GRHL2: variants seen among roughly 807,000 people sequenced by gnomAD.
GRHL2 encodes grainyhead-like protein 2 homolog.
A neutral mutation model predicts 83.8 loss-of-function variants in GRHL2; 21 were observed. The observed-to-expected ratio is 0.25, with a 90% CI of 0.18 to 0.36. The LOEUF is 0.36. GRHL2 is among the 10% of genes least tolerant of loss of function. The pLI, the probability that GRHL2 is intolerant of heterozygous loss-of-function variation, is 1.00. For synonymous variants in GRHL2, 280 were observed against 278.9 expected (o/e 1.00, Z -0.04); for missense variants, 623 against 781.8 (o/e 0.80, Z 2.42).
chr8:101,609,640 A>T (rs1472560323), intron 8 of GRHL2, among the ~76,000 whole-genome samples: 1 of 151,056 alleles, frequency 6.6e-6, no homozygotes, highest in Non-Finnish European at 1.5e-5. Flanking sequence ...CATATTTCAT[A>T]CTTTTTTAAA....
intron 1 of GRHL2, among the ~76,000 whole-genome samples, chr8:101,521,961 G>A (rs555856974): frequency 1.2e-4 from 19 of 152,218 alleles, no homozygotes; most frequent in Non-Finnish European, 2.6e-4. Flanking sequence ...GCTCAATAAA[G>A]GTTTGTTCAA....
intron 6 of GRHL2, among the ~76,000 whole-genome samples, chr8:101,574,050 G>A (rs1422606949): frequency 6.6e-6 from 1 of 152,204 alleles, no homozygotes; most frequent in Non-Finnish European, 1.5e-5. Context: ...CATGCTGTCT[G>A]ACTGTATCCG....
At chr8:101,550,230 A>G (rs1811351635) in intron 2 of GRHL2, among the ~76,000 whole-genome samples, 1 of 149,668 alleles carries the variant, frequency 6.7e-6, no homozygotes, top group South Asian at 2.1e-4. Flanking sequence ...AGATTTGGGG[A>G]TATGTGTGCA....
chr8:101,666,783 C>T lies in GRHL2; in HGVS notation c.*80C>T. On this transcript the variant is annotated 3_prime_UTR_variant, in exon 16 of 16. Coordinates refer to ENST00000646743, the MANE Select transcript of GRHL2 (RefSeq NM_024915.4). Reference sequence around the variant, plus strand: ...GAGACAGAAGCCCCAGCCCCAGAACCTGGAGACCCATCTCCCCCATCTCAC... The same window carrying T: ...GAGACAGAAGCCCCAGCCCCAGAACTTGGAGACCCATCTCCCCCATCTCAC... The T allele has an allele frequency of 1.2e-6, 1 of 864,850 alleles. No individual in the cohort carries two copies. Among genetic ancestry groups the T allele is most frequent in the Non-Finnish European group, 2.0e-6 (1 of 508,406 alleles). The allele number at this position is 864,850 out of a possible 1,614,324, so 53.6% of individuals were successfully genotyped here. A position where few individuals can be genotyped will look rare whatever the true frequency, so the allele number is the denominator to read the frequency against.
intron 1 of GRHL2, among the ~76,000 whole-genome samples, chr8:101,532,947 T>G (rs1810969503): frequency 6.6e-6 from 1 of 152,072 alleles, no homozygotes; most frequent in Non-Finnish European, 1.5e-5. Context: ...GAAAGGGTAG[T>G]GGGTAGAAAT....
rs143975069 is a variant in GRHL2, at chr8:101,559,329, G to A, written c.678+517G>A. On this transcript the variant is annotated intron_variant, in intron 4 of 15. Transcript: ENST00000646743. The stretch of plus-strand genomic sequence containing the variant: ...TCAAGACCAGCCTGGCCAACATGGT[G>A]AACTCCTGTCTCTACTAAAAATACA... Among the ~76,000 whole-genome samples the A allele has an allele frequency of 2.5e-3, 316 of 124,462 alleles. 3 individuals carry two copies. The East Asian group carries it at 0.067, about 26-fold the overall frequency. The allele number at this position is 124,462 out of a possible 152,430, so 81.7% of individuals were successfully genotyped here.
rs375637398 is a variant in GRHL2 at position 101,647,221 on chromosome 8, C to T, written c.1613-2193C>T. 8.5e-5 allele frequency among the ~76,000 whole-genome samples: 13 copies of T among 152,180 alleles called. No individual in the cohort carries two copies. In the East Asian group the frequency reaches 2.1e-3, roughly 25 times the overall value. Reference sequence around the variant, plus strand: ...TCTACTAAAAATACAAAAACTTAGTCGGGTGTGATGGCACATGCCTGTAAT... The same window carrying T: ...TCTACTAAAAATACAAAAACTTAGTTGGGTGTGATGGCACATGCCTGTAAT... On this transcript the variant is annotated intron_variant, in intron 13 of 15. Coordinates refer to ENST00000646743, the MANE Select transcript of GRHL2 (RefSeq NM_024915.4).
intron 2 of GRHL2, 66 bp from the exon 3 acceptor site, chr8:101,552,649 T>C: frequency 6.8e-7 from 1 of 1,467,768 alleles, no homozygotes; most frequent in South Asian, 1.1e-5. Flanking sequence ...TATGCCGGTG[T>C]CCAGCTCTGA....
At chr8:101,577,189 T>A (rs1811950668) in intron 6 of GRHL2, among the ~76,000 whole-genome samples, 1 of 152,060 alleles carries the variant, frequency 6.6e-6, no homozygotes, top group African/African-American at 2.4e-5. Flanking sequence ...CTCTTTTTTT[T>A]TTCCTTCATG....
At chr8:101,675,884 A>G in the GRHL2 span, among the ~76,000 whole-genome samples, 1 of 151,828 alleles carries the variant, frequency 6.6e-6, no homozygotes, top group Non-Finnish European at 1.5e-5. Flanking sequence ...GGAACAGAAC[A>G]GAGCCCTCAG....
intron 4 of GRHL2, among the ~76,000 whole-genome samples, chr8:101,569,781 C>A (rs1195498843): frequency 6.6e-6 from 1 of 152,114 alleles, no homozygotes; most frequent in African/African-American, 2.4e-5. Flanking sequence ...ATTCTTAGTA[C>A]TTTTTAAAAC....
At chr8:101,653,429 G>C (rs1179807449) in intron 14 of GRHL2, among the ~76,000 whole-genome samples, 1 of 152,000 alleles carries the variant, frequency 6.6e-6, no homozygotes, top group Non-Finnish European at 1.5e-5. Flanking sequence ...CACAAACATA[G>C]TCCCCTACTC....
intron 5 of GRHL2, 42 bp downstream of exon 5, chr8:101,570,436 A>G (rs766716913): frequency 4.1e-6 from 6 of 1,468,734 alleles, no homozygotes; most frequent in African/African-American, 2.8e-5. Flanking sequence ...TGATTAACTG[A>G]TAAACCTTTA....
At chr8:101,620,301 C>T (rs1812939985) in intron 9 of GRHL2, among the ~76,000 whole-genome samples, 1 of 152,170 alleles carries the variant, frequency 6.6e-6, no homozygotes, top group South Asian at 2.1e-4. Flanking sequence ...TTTGGGGGTA[C>T]ACAAACTTTA....
intron 3 of GRHL2, among the ~76,000 whole-genome samples, chr8:101,557,904 G>A (rs1811520160): frequency 6.6e-6 from 1 of 152,116 alleles, no homozygotes; most frequent in African/African-American, 2.4e-5. Context: ...CATTCTTGTT[G>A]TCCAGTCTGG....
At chr8:101,591,427 A>G (rs1209582429) in intron 7 of GRHL2, among the ~76,000 whole-genome samples, 1 of 152,020 alleles carries the variant, frequency 6.6e-6, no homozygotes, top group Admixed American at 6.6e-5. Context: ...AAGCACCCCA[A>G]CCTTGTCCTT....
At chr8:101,645,815 G>T (rs1002822765) in intron 13 of GRHL2, among the ~76,000 whole-genome samples, 12 of 152,154 alleles carry the variant, frequency 7.9e-5, no homozygotes, top group African/African-American at 2.2e-4. Flanking sequence ...CTTCAGAATG[G>T]AAACAGCATA....
chr8:101,589,365 G>A (rs1480754464), intron 7 of GRHL2, among the ~76,000 whole-genome samples: 1 of 152,166 alleles, frequency 6.6e-6, no homozygotes, highest in Admixed American at 6.5e-5. Context: ...ACTAAATCTG[G>A]AGCTATGTGC....
In GRHL2 at chr8:101,623,395, G is replaced by A. The variant is rs141077587; in HGVS notation, c.1257+3698G>A. Among the ~76,000 whole-genome samples, 1,393 of 151,180 alleles carry A rather than the reference G, an allele frequency of 9.2e-3. 24 individuals carry two copies. Among genetic ancestry groups the A allele is most frequent in the African/African-American group, 0.032 (1,295 of 40,522 alleles). ...ACAGTAAGACAGTTCACGGTACCCAGTAGGACAGTACACAGTAGAACAGTT... is the reference window on the plus strand; with the variant it reads ...ACAGTAAGACAGTTCACGGTACCCAATAGGACAGTACACAGTAGAACAGTT... On this transcript the variant is annotated intron_variant, in intron 9 of 15. Coordinates refer to ENST00000646743, the MANE Select transcript of GRHL2 (RefSeq NM_024915.4).
Sources: gnomAD v4.1 joint callset for allele counts (sites outside exome capture counted in the v4.1 genomes callset) on GRCh38, gnomAD v4.1.1 for gene constraint, MANE v1.5 for transcripts, NCBI Gene and HGNC (gene_info 2026-07-23, HGNC 2026-07-21) for gene names.